LANCL2: variants seen among roughly 807,000 people sequenced by gnomAD.
The protein encoded by LANCL2 is LanC like glutathione S-transferase 2, also known as lanC-like protein 2.
LANCL2 carries 33 observed loss-of-function variants against 56.9 expected under a neutral mutation model. The observed-to-expected ratio is 0.58, with a 90% CI of 0.44 to 0.78. The LOEUF is 0.78. Among genes scored for constraint, LANCL2 ranks in the 30% least tolerant of loss-of-function variants. LANCL2 has a pLI of 0.00. For synonymous variants in LANCL2, 233 were observed against 228.2 expected, an observed-to-expected ratio of 1.02 and a Z score of -0.19; for missense variants, 562 against 580.2, an observed-to-expected ratio of 0.97 and a Z score of 0.32.
At chr7:55,400,517 T>G (rs1790309461) in intron 4 of LANCL2, among the ~76,000 whole-genome samples, 2 of 151,970 alleles carry the variant, frequency 1.3e-5, no homozygotes, top group African/African-American at 4.8e-5. Flanking sequence ...AAAGAGGAGG[T>G]GGAGGCAACG....
intron 1 of LANCL2, among the ~76,000 whole-genome samples, chr7:55,373,275 A>ATATTGATT (rs1789965629): frequency 6.8e-6 from 1 of 147,952 alleles, no homozygotes; most frequent in Non-Finnish European, 1.5e-5. Flanking sequence ...AATTTTTTAA[A>ATATTGATT]TATTTATTTA....
rs1338703346 is a variant in LANCL2 at position 55,427,220 on chromosome 7, A to G, written c.1186-1155A>G. Among the ~76,000 whole-genome samples the G allele has an allele frequency of 5.3e-5, 8 of 152,344 alleles. No homozygotes were observed. In the South Asian group the frequency reaches 6.2e-4, roughly 12 times the overall value. Reference sequence around the variant, plus strand: ...TGTACCACTGGGAAGCTTTCAAATCATGCCTGGACCTCACTCTAGACCAGT... The same window carrying G: ...TGTACCACTGGGAAGCTTTCAAATCGTGCCTGGACCTCACTCTAGACCAGT... On this transcript the variant is annotated intron_variant, in intron 7 of 8. Transcript: ENST00000254770.
chr7:55,424,771 G>A (rs539221897), intron 6 of LANCL2, among the ~76,000 whole-genome samples: 74 of 152,310 alleles, frequency 4.9e-4, no homozygotes, highest in African/African-American at 1.7e-3. Flanking sequence ...GCGAGCAAGC[G>A]AAGCTTCAAC....
intron 7 of LANCL2, among the ~76,000 whole-genome samples, chr7:55,426,483 A>G (rs1289466848): frequency 6.6e-6 from 1 of 152,144 alleles, no homozygotes; most frequent in African/African-American, 2.4e-5. Context: ...ATACTTTTTG[A>G]ACATCTATTA....
At chr7:55,413,974 A>G (rs1311364034) in intron 6 of LANCL2, among the ~76,000 whole-genome samples, 1 of 152,266 alleles carries the variant, frequency 6.6e-6, no homozygotes, top group African/African-American at 2.4e-5. Flanking sequence ...TAAATAAATG[A>G]TAAATGTTCA....
At chr7:55,428,111 A>T (rs369986185) in intron 7 of LANCL2, 68 of 524,826 alleles carry the variant, frequency 1.3e-4, no homozygotes, top group African/African-American at 9.6e-4. Context: ...GGGAGAACAG[A>T]GTGTCGTTGA....
intron 1 of LANCL2, among the ~76,000 whole-genome samples, chr7:55,389,280 G>A (rs1473153015): frequency 1.3e-5 from 2 of 152,158 alleles, no homozygotes; most frequent in Non-Finnish European, 2.9e-5. Flanking sequence ...ACTGGAAAAG[G>A]TGTCACTCGG....
chr7:55,402,538 T>C (rs1178234397), intron 5 of LANCL2, among the ~76,000 whole-genome samples: 1 of 133,140 alleles, frequency 7.5e-6, no homozygotes, highest in Non-Finnish European at 1.6e-5. Flanking sequence ...ATGGGGCGGC[T>C]TGCCGGGCGG....
At chr7:55,414,700 C>T (rs1278645399) in intron 6 of LANCL2, among the ~76,000 whole-genome samples, 1 of 151,994 alleles carries the variant, frequency 6.6e-6, no homozygotes, top group Non-Finnish European at 1.5e-5. Flanking sequence ...AAAGGTTTGG[C>T]CAGACACTGT....
chr7:55,407,733 C>A (rs1790425451), intron 5 of LANCL2, among the ~76,000 whole-genome samples: 1 of 152,246 alleles, frequency 6.6e-6, no homozygotes, highest in Non-Finnish European at 1.5e-5. Flanking sequence ...CTTCCTGAGT[C>A]TCCAGCTTGC....
At position 55,431,817 on chromosome 7, in the gene LANCL2, G is replaced by C. The variant is rs909088012; in HGVS notation, c.*497G>C. Reference sequence around the variant, plus strand: ...ACCTTCCAGATGAGAATGAGGGAGCGACCACTCCAAGGACGGACAGGACCA... The same window carrying C: ...ACCTTCCAGATGAGAATGAGGGAGCCACCACTCCAAGGACGGACAGGACCA... On this transcript the variant is annotated 3_prime_UTR_variant, in exon 9 of 9. Coordinates refer to ENST00000254770, the MANE Select transcript of LANCL2 (RefSeq NM_018697.4). The C allele has an allele frequency of 2.0e-5, 3 of 152,740 alleles. No individual in the cohort carries two copies. Among genetic ancestry groups the C allele is most frequent in the African/African-American group, 7.2e-5 (3 of 41,446 alleles). The allele number at this position is 152,740 out of a possible 1,614,324, so 9.5% of individuals were successfully genotyped here.
intron 2 of LANCL2, 143 bp from the exon 3 acceptor site, chr7:55,398,280 T>C (rs1183923436): frequency 9.5e-6 from 6 of 628,712 alleles, no homozygotes; most frequent in African/African-American, 5.5e-5. Context: ...TTAAGAAATA[T>C]ATGAAATGTA....
intron 1 of LANCL2, among the ~76,000 whole-genome samples, chr7:55,383,332 T>C (rs1285004444): frequency 6.6e-6 from 1 of 152,120 alleles, no homozygotes; most frequent in Non-Finnish European, 1.5e-5. Context: ...TGAGGAGGAA[T>C]GGTCAGTTAT....
At chr7:55,411,127 T>C (rs815980) in intron 5 of LANCL2, among the ~76,000 whole-genome samples, 135,774 of 152,304 alleles carry the variant, frequency 0.89, 60,919 homozygotes, top group African/African-American at 0.97. Flanking sequence ...CACCCTAAGA[T>C]GCTCACTTAG....
rs963824496 is a variant in LANCL2, at chr7:55,432,799, A to G, written c.*1479A>G. ...TGCCTGGAGAGTCTGTTTGCTGCAGACACCCTTGCTCCTGAGTCATTATTT... is the reference window on the plus strand; with the variant it reads ...TGCCTGGAGAGTCTGTTTGCTGCAGGCACCCTTGCTCCTGAGTCATTATTT... On this transcript the variant is annotated 3_prime_UTR_variant, in exon 9 of 9. Transcript: ENST00000254770. 2 of 152,212 alleles carry G rather than the reference A, an allele frequency of 1.3e-5. No homozygotes were observed. The highest frequency in any genetic ancestry group is 4.8e-5 in the African/African-American group (2 of 41,434). 9.4% of individuals were successfully genotyped at this position (152,212 alleles called of 1,614,324 possible).
intron 6 of LANCL2, among the ~76,000 whole-genome samples, chr7:55,424,683 C>A (rs1428290912): frequency 6.6e-6 from 1 of 152,150 alleles, no homozygotes; most frequent in Non-Finnish European, 1.5e-5. Context: ...ATGCAGGGGT[C>A]CCCAGCCCCC....
chr7:55,385,339 C>G (rs1330047505), intron 1 of LANCL2, among the ~76,000 whole-genome samples: 1 of 152,144 alleles, frequency 6.6e-6, no homozygotes, highest in Admixed American at 6.5e-5. Flanking sequence ...AAAGATGTTG[C>G]AAGGAGGTGA....
At chr7:55,382,958 G>A (rs781603339) in intron 1 of LANCL2, among the ~76,000 whole-genome samples, 23 of 152,186 alleles carry the variant, frequency 1.5e-4, no homozygotes, top group East Asian at 5.8e-4. Flanking sequence ...AAGTTAAACC[G>A]TAAATTAAAT....
intron 7 of LANCL2, 69 bp from the exon 8 acceptor site, chr7:55,428,306 G>C (rs1359926660): frequency 7.4e-7 from 1 of 1,357,646 alleles, no homozygotes; most frequent in Admixed American, 1.7e-5. Flanking sequence ...TGAAGACATT[G>C]CATTCTCATT....
Sources: gnomAD v4.1 joint callset for allele counts (sites outside exome capture counted in the v4.1 genomes callset) on GRCh38, gnomAD v4.1.1 for gene constraint, MANE v1.5 for transcripts, NCBI Gene and HGNC (gene_info 2026-07-23, HGNC 2026-07-21) for gene names.